AP2A1: variants seen among roughly 807,000 people sequenced by gnomAD.
AP2A1 encodes the protein adaptor related protein complex 2 subunit alpha 1, also known as AP-2 complex subunit alpha-1.
Under a neutral mutation model 107.3 loss-of-function variants are expected in AP2A1, and 21 were observed. The observed-to-expected ratio is 0.20, with a 90% CI of 0.14 to 0.28. The LOEUF (loss-of-function observed/expected upper bound fraction) is 0.28, where lower values mean the gene tolerates loss of function less well. AP2A1 is among the 10% of genes least tolerant of loss of function. The pLI is 1.00. For synonymous variants in AP2A1, 602 were observed against 564.8 expected (o/e 1.07, Z -0.93); for missense variants, 873 against 1,307.7 (o/e 0.67, Z 5.13).
chr19:49,775,174 G>A (rs1418545324), intron 1 of AP2A1, among the ~76,000 whole-genome samples: 1 of 152,276 alleles, frequency 6.6e-6, no homozygotes, highest in East Asian at 1.9e-4. Flanking sequence ...GTTGCAATGA[G>A]TCAAGATCGC....
intron 17 of AP2A1, 31 bp downstream of exon 17, chr19:49,803,220 G>T: frequency 6.2e-7 from 1 of 1,613,652 alleles, no homozygotes; most frequent in South Asian, 1.1e-5. Context: ...GGAATGGGTC[G>T]GAGGGAGACC....
At chr19:49,774,791 C>A (rs1020220833) in intron 1 of AP2A1, among the ~76,000 whole-genome samples, 6 of 151,990 alleles carry the variant, frequency 3.9e-5, no homozygotes, top group Non-Finnish European at 2.9e-5. Context: ...CCTCGTGGCA[C>A]ACCTGTAGTC....
At chr19:49,769,164 C>T (rs760921811) in intron 1 of AP2A1, among the ~76,000 whole-genome samples, 34 of 152,044 alleles carry the variant, frequency 2.2e-4, no homozygotes, top group African/African-American at 5.6e-4. Context: ...GCAGGAGAAT[C>T]GCTTGAACCC....
intron 6 of AP2A1, 47 bp from the exon 7 acceptor site, chr19:49,795,583 C>CCCCCA: frequency 4.0e-6 from 2 of 502,716 alleles, no homozygotes; most frequent in Non-Finnish European, 4.0e-6. Flanking sequence ...GACCCACGTG[C>CCCCCA]CCCTCCCACC....
rs71180653 is a variant in AP2A1, at chr19:49,772,246, G to GTT, written c.67+5076_67+5077dup. Among the ~76,000 whole-genome samples, 68 of 56,170 alleles carry GTT rather than the reference G, an allele frequency of 1.2e-3. 4 individuals carry two copies. The highest frequency in any genetic ancestry group is 2.6e-3 in the South Asian group (3 of 1,166). 36.8% of individuals were successfully genotyped at this position (56,170 alleles called of 152,430 possible). ...CAAATTTTTTTGTATTTTTCATAGA[G>GTT]TTTTTTTTTTTTTTTTTTTTTTTTT... On this transcript the variant is annotated intron_variant, in intron 1 of 22. Coordinates refer to ENST00000354293, the MANE Select transcript of AP2A1 (RefSeq NM_130787.3).
intron 5 of AP2A1, 81 bp from the exon 6 acceptor site, chr19:49,792,910 G>C: frequency 1.6e-6 from 2 of 1,241,596 alleles, no homozygotes; most frequent in Middle Eastern, 1.9e-4. Flanking sequence ...CACACATCCC[G>C]ACCCTGTCCC....
rs767411878 is a variant in AP2A1, at chr19:49,802,094, G to A, written c.2067G>A (p.Pro689=). Residue 689 remains proline (P), a synonymous_variant, in exon 15 of 23, where the codon CCG becomes CCA. Transcript: ENST00000354293. Reference sequence around the variant, plus strand: ...TTCTGGTGGACGTCTTCGATGGCCCGGCCGCCCAGCCCAGCCTGGGGCCCA... The same window carrying A: ...TTCTGGTGGACGTCTTCGATGGCCCAGCCGCCCAGCCCAGCCTGGGGCCCA... ...GNLLVDVFDG[P]AAQPSLGPTP... The A allele has an allele frequency of 2.5e-6, 4 of 1,590,324 alleles. 1 individual carries two copies. Among genetic ancestry groups the A allele is most frequent in the South Asian group, 2.2e-5 (2 of 89,418 alleles).
At chr19:49,793,477 C>T (rs2073171831) in intron 6 of AP2A1, among the ~76,000 whole-genome samples, 1 of 152,166 alleles carries the variant, frequency 6.6e-6, no homozygotes, top group African/African-American at 2.4e-5. Flanking sequence ...TGCCTCCCGC[C>T]TCTCTCTTTC....
At chr19:49,802,551 C>T (rs1568588380) in intron 15 of AP2A1, 1 of 1,606,242 alleles carries the variant, frequency 6.2e-7, no homozygotes, top group Non-Finnish European at 8.5e-7. Context: ...GAGCCGCCTG[C>T]CCCCGAGAGC....
At chr19:49,793,945 T>C (rs2073179390) in intron 6 of AP2A1, among the ~76,000 whole-genome samples, 1 of 143,788 alleles carries the variant, frequency 7.0e-6, no homozygotes, top group South Asian at 2.4e-4. Context: ...TCTCGTTCTG[T>C]CCCCAGGCTG....
chr19:49,803,688 G>A, intron 18 of AP2A1: 1 of 415,574 alleles, frequency 2.4e-6, no homozygotes. Flanking sequence ...CATGATGCCA[G>A]CACCGCCTGC....
In AP2A1 at chr19:49,807,037, C is replaced by CCCGTT; in HGVS notation, c.*279_*280insCCGTT. 6.5e-7 allele frequency: 1 copy of CCCGTT among 1,529,574 alleles called. No homozygotes were observed. The highest frequency in any genetic ancestry group is 8.8e-7 in the Non-Finnish European group (1 of 1,140,494). 94.8% of individuals were successfully genotyped at this position (1,529,574 alleles called of 1,614,324 possible). ...ATGTCTCCTCCCCTCCCACCCCACC[C>CCCGTT]TGTTGTAGCCCCTCCTACCCCCTCC... On this transcript the variant is annotated 3_prime_UTR_variant, in exon 23 of 23. Coordinates refer to ENST00000354293, the MANE Select transcript of AP2A1 (RefSeq NM_130787.3).
At chr19:49,804,405 G>C (rs1452627177) in intron 18 of AP2A1, 1 of 152,024 alleles carries the variant, frequency 6.6e-6, no homozygotes, top group Non-Finnish European at 1.5e-5. Flanking sequence ...GCCGGGCGTG[G>C]TGGTGGGCGC....
At position 49,806,855 on chromosome 19, in the gene AP2A1, A is replaced by G; in HGVS notation, c.*97A>G. On this transcript the variant is annotated 3_prime_UTR_variant, in exon 23 of 23. Coordinates refer to ENST00000354293, the MANE Select transcript of AP2A1 (RefSeq NM_130787.3). Reference sequence around the variant, plus strand: ...GGGGGACCTCCACTGGTGACAGAGAAGACACCAGGGTTTGGGGGATGCCTG... The same window carrying G: ...GGGGGACCTCCACTGGTGACAGAGAGGACACCAGGGTTTGGGGGATGCCTG... The G allele has an allele frequency of 1.9e-6, 3 of 1,587,296 alleles. No homozygotes were observed. The highest frequency in any genetic ancestry group is 2.6e-6 in the Non-Finnish European group (3 of 1,170,044).
At position 49,792,892 on chromosome 19, in the gene AP2A1, C is replaced by T. The variant is rs188669821; in HGVS notation, c.604-99C>T. 1,809 of 1,058,204 alleles carry T rather than the reference C, an allele frequency of 1.7e-3. 12 individuals are homozygous for T. Among genetic ancestry groups the T allele is most frequent in the Middle Eastern group, 4.2e-3 (20 of 4,810 alleles). The allele number at this position is 1,058,204 out of a possible 1,614,324, so 65.6% of individuals were successfully genotyped here. ...TGCACACCCCTAAACCCCATCTTCC[C>T]GACTGCACACACATCCCGACCCTGT... On this transcript the variant is annotated intron_variant, in intron 5 of 22. Coordinates refer to ENST00000354293, the MANE Select transcript of AP2A1 (RefSeq NM_130787.3).
Position 49,807,022 on chromosome 19 carries a change from C to A in AP2A1, c.*264C>A, listed in dbSNP as rs753492982. ...GGGCCAGGGAAGTGGATGTCTCCTC[C>A]CCTCCCACCCCACCCTGTTGTAGCC... On this transcript the variant is annotated 3_prime_UTR_variant, in exon 23 of 23. Transcript: ENST00000354293. 1.5e-6 allele frequency: 2 copies of A among 1,307,294 alleles called. No individual in the cohort carries two copies. The highest frequency in any genetic ancestry group is 2.1e-6 in the Non-Finnish European group (2 of 955,636). 81.0% of individuals were successfully genotyped at this position (1,307,294 alleles called of 1,614,324 possible).
intron 3 of AP2A1, 135 bp from the exon 4 acceptor site, chr19:49,782,396 A>C (rs2084687977): frequency 3.2e-6 from 3 of 943,312 alleles, no homozygotes. Flanking sequence ...TGTGGGTCTG[A>C]GGGAGGAGGG....
rs1187741221 is a variant in AP2A1 at position 49,782,647 on chromosome 19, G to A, written c.396G>A (p.Leu132=). ...SRNPTFMCLA[L]HCIANVGSRE... ...ACCCCACCTTCATGTGCCTGGCCCT[G>A]CACTGCATCGCCAACGTGGGCAGCC... The change falls in exon 4 of 23, where the codon CTG becomes CTA. Residue 132 remains leucine, a synonymous_variant. Coordinates refer to ENST00000354293, the MANE Select transcript of AP2A1 (RefSeq NM_130787.3). 2.4e-5 allele frequency: 39 copies of A among 1,613,276 alleles called. No individual in the cohort carries two copies. The highest frequency in any genetic ancestry group is 4.0e-5 in the African/African-American group (3 of 74,942).
At position 49,795,973 on chromosome 19, in the gene AP2A1, T is replaced by C. The variant is rs985185434; in HGVS notation, c.814+235T>C. On this transcript the variant is annotated intron_variant, in intron 7 of 22. Transcript: ENST00000354293. ...TCAGCCTCATAGCTGAGGTCCCTGC[T>C]ACCCGGGCTCTCACTCCAGCCCTGT... 12 of 538,236 alleles carry C rather than the reference T, an allele frequency of 2.2e-5. No individual in the cohort carries two copies. In the East Asian group the frequency reaches 3.8e-4, roughly 17 times the overall value. 33.3% of individuals were successfully genotyped at this position (538,236 alleles called of 1,614,324 possible).
Sources: allele counts gnomAD v4.1 joint callset (sites outside exome capture counted in the v4.1 genomes callset), GRCh38; gene constraint gnomAD v4.1.1; transcripts MANE v1.5; gene names NCBI Gene and HGNC (gene_info 2026-07-23, HGNC 2026-07-21).